Variants in SRL observed in about 807,000 individuals in gnomAD.
SRL encodes sarcalumenin.
SRL carries 23 observed loss-of-function variants against 39.5 expected under a neutral mutation model. The ratio of observed to expected loss-of-function variants is 0.58; its 90% confidence interval spans 0.42 to 0.82. The LOEUF (loss-of-function observed/expected upper bound fraction) is 0.82. Among genes scored for constraint, SRL ranks in the 40% least tolerant of loss-of-function variants. The pLI is 0.00. For synonymous variants in SRL, 272 were observed against 237.4 expected, an observed-to-expected ratio of 1.15 and a Z score of -1.34; for missense variants, 592 against 607.8, an observed-to-expected ratio of 0.97 and a Z score of 0.27.
At chr16:4,237,805 C>T (rs1417730320) in intron 1 of SRL, among the ~76,000 whole-genome samples, 1 of 152,126 alleles carries the variant, frequency 6.6e-6, no homozygotes, top group Non-Finnish European at 1.5e-5. Context: ...TTCTTCAAGG[C>T]CCAGCTCAAA....
At chr16:4,207,358 G>T in intron 1 of SRL, 1 of 456,766 alleles carries the variant, frequency 2.2e-6, no homozygotes, top group Non-Finnish European at 4.4e-6. Context: ...GCTGGGCCGG[G>T]CTCCCCCTGG....
At chr16:4,198,665 C>A (rs759758988) in intron 3 of SRL, among the ~76,000 whole-genome samples, 1 of 152,084 alleles carries the variant, frequency 6.6e-6, no homozygotes, top group African/African-American at 2.4e-5. Flanking sequence ...TCAGGCTGGT[C>A]TCAAACTTCT....
intron 1 of SRL, chr16:4,239,828 G>A (rs900234944): frequency 1.6e-4 from 25 of 152,314 alleles, no homozygotes; most frequent in African/African-American, 5.3e-4. Context: ...TGCTAGGGGC[G>A]TTTCCCACTG....
intron 1 of SRL, among the ~76,000 whole-genome samples, chr16:4,220,037 G>A (rs561537200): frequency 9.9e-5 from 15 of 152,200 alleles, no homozygotes; most frequent in African/African-American, 2.6e-4. Flanking sequence ...TTGCCGCTCC[G>A]TGAACAGTAC....
chr16:4,196,889 AT>A (rs2052153997), intron 4 of SRL, among the ~76,000 whole-genome samples: 1 of 152,084 alleles, frequency 6.6e-6, no homozygotes. Flanking sequence ...TCAGAATTTC[AT>A]TCCTTTTTAA....
At chr16:4,229,214 C>T (rs953465187) in intron 1 of SRL, among the ~76,000 whole-genome samples, 4 of 151,970 alleles carry the variant, frequency 2.6e-5, no homozygotes, top group South Asian at 2.1e-4. Flanking sequence ...GAAGCCGAGG[C>T]GGGTGGATCA....
At position 4,204,175 on chromosome 16, in the gene SRL, A is replaced by G. The variant is rs79745043; in HGVS notation, c.163+358T>C. Among the ~76,000 whole-genome samples, 1,514 of 152,376 alleles carry G rather than the reference A, an allele frequency of 9.9e-3. 21 individuals carry two copies. Among genetic ancestry groups the G allele is most frequent in the South Asian group, 0.034 (162 of 4,834 alleles). ...TTGGGTTTCAAAGATAAAATGAAAC[A>G]GCACACATGAAACGGCTTTATAAAC... On this transcript the variant is annotated intron_variant, in intron 2 of 5. Transcript: ENST00000399609.
At chr16:4,217,194 T>C (rs2052470681) in intron 1 of SRL, among the ~76,000 whole-genome samples, 1 of 152,140 alleles carries the variant, frequency 6.6e-6, no homozygotes, top group African/African-American at 2.4e-5. Flanking sequence ...GCCTCCTAGA[T>C]AGTGGCTGGT....
At chr16:4,213,933 G>C (rs550638611) in intron 1 of SRL, among the ~76,000 whole-genome samples, 2 of 152,272 alleles carry the variant, frequency 1.3e-5, no homozygotes, top group African/African-American at 4.8e-5. Context: ...TCCAGGGATG[G>C]GCTGGAACTC....
intron 5 of SRL, among the ~76,000 whole-genome samples, chr16:4,194,615 C>T (rs1386850678): frequency 6.6e-6 from 1 of 152,168 alleles, no homozygotes. Context: ...CTTGGCTACA[C>T]AGGACACACA....
At chr16:4,202,559 C>G (rs1047232544) in intron 3 of SRL, among the ~76,000 whole-genome samples, 4 of 150,868 alleles carry the variant, frequency 2.7e-5, no homozygotes, top group Admixed American at 6.6e-5. Flanking sequence ...CGCCACTGCA[C>G]TCCAGTATGA....
At chr16:4,233,878 G>A (rs2052685479) in intron 1 of SRL, among the ~76,000 whole-genome samples, 1 of 151,940 alleles carries the variant, frequency 6.6e-6, no homozygotes, top group Admixed American at 6.5e-5. Flanking sequence ...AGTCCATCCT[G>A]CTTTTCCAGC....
chr16:4,190,518 T>TTCCCTGCAGGTCCTGCCCCTCTGCTCCC lies in SRL; in HGVS notation c.*1607_*1634dup. On this transcript the variant is annotated 3_prime_UTR_variant, in exon 6 of 6. Coordinates refer to ENST00000399609, the MANE Select transcript of SRL (RefSeq NM_001098814.2). ...CATTTCACCATCCAAAGGCTGCTTC[T>TTCCCTGCAGGTCCTGCCCCTCTGCTCCC]TCCCTGCAGGTCCTGCCCCTCTGCT... 2.5e-6 allele frequency: 1 copy of TTCCCTGCAGGTCCTGCCCCTCTGCTCCC among 398,786 alleles called. No individual in the cohort carries two copies. The highest frequency in any genetic ancestry group is 3.6e-5 in the East Asian group (1 of 28,086). The allele number at this position is 398,786 out of a possible 1,614,324, so 24.7% of individuals were successfully genotyped here. A position where few individuals can be genotyped will look rare whatever the true frequency, so the allele number is the denominator to read the frequency against.
chr16:4,192,216 A>G lies in SRL; in HGVS notation c.1359T>C (p.Gly453=). Residue 453 remains glycine, a synonymous_variant, in exon 6 of 6, where the codon GGT becomes GGC. Coordinates refer to ENST00000399609, the MANE Select transcript of SRL (RefSeq NM_001098814.2). This position sits in a 1 kb window ranked among gnomAD's most constrained non-coding sequence, Gnocchi z 4.0. ...LGSLGLGKNP[G]ALNCDKTGCS... ...ACCCTGTTTTGTCACAGTTGAGAGC[A>G]CCTGGATTCTTCCCGAGCCCGAGGC... 1.2e-6 allele frequency: 2 copies of G among 1,604,960 alleles called. No individual in the cohort carries two copies. The highest frequency in any genetic ancestry group is 1.7e-6 in the Non-Finnish European group (2 of 1,176,468).
At chr16:4,233,567 G>C (rs532389582) in intron 1 of SRL, among the ~76,000 whole-genome samples, 4 of 152,070 alleles carry the variant, frequency 2.6e-5, no homozygotes, top group Middle Eastern at 3.4e-3. Context: ...TGGTGGGGGG[G>C]TGTTAGTTAC....
intron 1 of SRL, among the ~76,000 whole-genome samples, chr16:4,217,517 G>A (rs1385905261): frequency 6.6e-6 from 1 of 152,210 alleles, no homozygotes; most frequent in African/African-American, 2.4e-5. Context: ...GTCTCAAAGT[G>A]CTGGGATTAC....
In SRL at chr16:4,189,958, G is replaced by T. The variant is rs961314340; in HGVS notation, c.*2195C>A. ...AGACAGTACAGAGATGAGGCGAGGG[G>T]TTCTGGGGTTTGCGGAGGGTGGTTA... On this transcript the variant is annotated 3_prime_UTR_variant, in exon 6 of 6. Coordinates refer to ENST00000399609, the MANE Select transcript of SRL (RefSeq NM_001098814.2). The T allele has an allele frequency of 1.6e-5, 4 of 245,492 alleles. No individual in the cohort carries two copies. Among genetic ancestry groups the T allele is most frequent in the Non-Finnish European group, 3.1e-5 (4 of 129,238 alleles). 15.2% of individuals were successfully genotyped at this position (245,492 alleles called of 1,614,324 possible). A position where few individuals can be genotyped will look rare whatever the true frequency, so the allele number is the denominator to read the frequency against.
chr16:4,195,112 C>G (rs2052118378), intron 5 of SRL, among the ~76,000 whole-genome samples: 1 of 151,724 alleles, frequency 6.6e-6, no homozygotes, highest in Non-Finnish European at 1.5e-5. Context: ...CCAAGCTGGT[C>G]TAGAACACCT....
chr16:4,213,850 G>C (rs1447110052), intron 1 of SRL, among the ~76,000 whole-genome samples: 1 of 152,192 alleles, frequency 6.6e-6, no homozygotes, highest in Non-Finnish European at 1.5e-5. Context: ...GGCAGAAAAA[G>C]CAAGGGTTGT....
Sources: gnomAD v4.1 joint callset for allele counts (sites outside exome capture counted in the v4.1 genomes callset) on GRCh38, gnomAD v4.1.1 for gene constraint, Gnocchi (gnomAD v3.1) non-coding constraint, MANE v1.5 for transcripts, NCBI Gene and HGNC (gene_info 2026-07-23, HGNC 2026-07-21) for gene names.